Variants in PRDM16 observed in about 807,000 individuals in gnomAD.
PRDM16 encodes histone-lysine N-methyltransferase PRDM16.
PRDM16 carries 23 observed loss-of-function variants against 110.6 expected under a neutral mutation model. The ratio of observed to expected loss-of-function variants is 0.21; its 90% CI spans 0.15 to 0.29. The LOEUF (loss-of-function observed/expected upper bound fraction) is 0.29. PRDM16 is among the 10% of genes least tolerant of loss of function. The probability of loss-of-function intolerance (pLI) is 1.00; values close to 1 mark genes in which losing one functional copy is unlikely to be tolerated. For synonymous variants in PRDM16, 799 were observed against 781.8 expected, an observed-to-expected ratio of 1.02 and a Z score of -0.37; for missense variants, 1,615 against 1,794.3, an observed-to-expected ratio of 0.90 and a Z score of 1.81.
intron 3 of PRDM16, among the ~76,000 whole-genome samples, chr1:3,332,267 T>C (rs990184505): frequency 6.5e-4 from 99 of 152,280 alleles, no homozygotes; most frequent in Non-Finnish European, 2.9e-4. Flanking sequence ...GAGAAAATCA[T>C]CTATTAATTG....
chr1:3,406,527 C>A (rs1368085276), intron 8 of PRDM16, among the ~76,000 whole-genome samples: 2 of 151,152 alleles, frequency 1.3e-5, no homozygotes, highest in African/African-American at 4.9e-5. Context: ...GCCAGGAGTT[C>A]AAGACCAGCC....
In PRDM16 at chr1:3,425,381, G is replaced by C; in HGVS notation, c.2940-200G>C. 2 of 556,478 alleles carry C rather than the reference G, an allele frequency of 3.6e-6. No homozygotes were observed. The highest frequency in any genetic ancestry group is 3.0e-5 in the East Asian group (1 of 33,082). The allele number at this position is 556,478 out of a possible 1,614,324, so 34.5% of individuals were successfully genotyped here. A position where few individuals can be genotyped will look rare whatever the true frequency, so the allele number is the denominator to read the frequency against. ...GCGTGAACCCCTGCTTCTTGAAGCC[G>C]GGGCTGTTTCTAGGGACAGCTTCCC... On this transcript the variant is annotated intron_variant, in intron 12 of 16. Coordinates refer to ENST00000270722, the MANE Select transcript of PRDM16 (RefSeq NM_022114.4). The surrounding 1 kb of genome is among the most constrained non-coding windows in gnomAD (Gnocchi z 6.9).
intron 3 of PRDM16, among the ~76,000 whole-genome samples, chr1:3,271,875 C>T (rs1640463939): frequency 2.0e-5 from 3 of 152,312 alleles, no homozygotes; most frequent in Non-Finnish European, 2.9e-5. Context: ...GGGGATGTCT[C>T]CCCACTACCA....
intron 5 of PRDM16, among the ~76,000 whole-genome samples, chr1:3,402,268 G>GC (rs145611121): frequency 0.57 from 87,331 of 152,020 alleles, 26,057 homozygotes; most frequent in South Asian, 0.7. Flanking sequence ...CGGGCCCAGA[G>GC]CCCCCCACCG....
At position 3,412,555 on chromosome 1, in the gene PRDM16, G is replaced by C. The variant is rs539709297; in HGVS notation, c.2358G>C (p.Leu786=). 2 of 1,611,658 alleles carry C rather than the reference G, an allele frequency of 1.2e-6. No individual in the cohort carries two copies. Among genetic ancestry groups the C allele is most frequent in the Non-Finnish European group, 1.7e-6 (2 of 1,179,790 alleles). Residue 786 remains leucine, a synonymous_variant, in exon 9 of 17, where the codon CTG becomes CTC. Transcript: ENST00000270722. Reference sequence around the variant, plus strand: ...AGCCCAAAGACGTGAAGCCCATCCTGCCCATGCCCAAGGGCCCCTCGGCCC... The same window carrying C: ...AGCCCAAAGACGTGAAGCCCATCCTCCCCATGCCCAAGGGCCCCTCGGCCC... ...TTKPKDVKPI[L]PMPKGPSAPA... is the part of the protein sequence containing the mutation.
At chr1:3,273,503 A>G (rs1195267046) in intron 3 of PRDM16, among the ~76,000 whole-genome samples, 5 of 151,672 alleles carry the variant, frequency 3.3e-5, no homozygotes, top group Admixed American at 2.0e-4. Flanking sequence ...AGCTGCATCT[A>G]TAAGGGTACA....
intron 3 of PRDM16, among the ~76,000 whole-genome samples, chr1:3,272,500 T>G (rs565473797): frequency 6.6e-6 from 1 of 152,182 alleles, no homozygotes; most frequent in Admixed American, 6.5e-5. Flanking sequence ...TTCCGGGACC[T>G]CGGGGAGGCT....
At chr1:3,422,432 A>C (rs1247134713) in intron 12 of PRDM16, among the ~76,000 whole-genome samples, 1 of 152,240 alleles carries the variant, frequency 6.6e-6, no homozygotes, top group Admixed American at 6.5e-5. Flanking sequence ...CCAGAGGGGC[A>C]CATGGCCCCA....
At chr1:3,405,374 T>A in intron 7 of PRDM16, 121 bp from the exon 8 acceptor site, 2 of 1,176,754 alleles carry the variant, frequency 1.7e-6, no homozygotes, top group Non-Finnish European at 2.3e-6. Context: ...TGGTGCAGAC[T>A]GCAACGTGGC....
chr1:3,200,058 G>A (rs1638580240), intron 2 of PRDM16, among the ~76,000 whole-genome samples: 1 of 152,272 alleles, frequency 6.6e-6, no homozygotes, highest in Admixed American at 6.5e-5. Context: ...ATATCAGACT[G>A]GAGGTAAACA....
chr1:3,101,304 C>T (rs1018326405), intron 1 of PRDM16, among the ~76,000 whole-genome samples: 4 of 152,316 alleles, frequency 2.6e-5, no homozygotes, highest in East Asian at 1.9e-4. Flanking sequence ...AGATGAGGGC[C>T]GCGAGGCAGT....
At chr1:3,087,509 C>A (rs1308340373) in intron 1 of PRDM16, among the ~76,000 whole-genome samples, 3 of 152,198 alleles carry the variant, frequency 2.0e-5, no homozygotes, top group Non-Finnish European at 2.9e-5. Flanking sequence ...GGCTACTCAG[C>A]CCCAAAAGAG....
At chr1:3,428,919 C>T (rs778428784) in intron 14 of PRDM16, among the ~76,000 whole-genome samples, 4 of 152,248 alleles carry the variant, frequency 2.6e-5, no homozygotes, top group South Asian at 2.1e-4. Flanking sequence ...GAGAAAATCA[C>T]GCAGGGGAGA....
At chr1:3,349,339 GA>G (rs913058929) in intron 3 of PRDM16, among the ~76,000 whole-genome samples, 22 of 152,322 alleles carry the variant, frequency 1.4e-4, no homozygotes, top group African/African-American at 5.3e-4. Context: ...AGGGGCTTTG[GA>G]AAGGTGCTGA....
At chr1:3,395,435 G>T (rs1643371034) in intron 4 of PRDM16, among the ~76,000 whole-genome samples, 1 of 152,150 alleles carries the variant, frequency 6.6e-6, no homozygotes, top group East Asian at 1.9e-4. Context: ...GCAGGGGCAG[G>T]TGGATTTCCC....
chr1:3,343,486 T>G (rs1470531464), intron 3 of PRDM16, among the ~76,000 whole-genome samples: 1 of 149,646 alleles, frequency 6.7e-6, no homozygotes, highest in Non-Finnish European at 1.5e-5. Flanking sequence ...TTCCTTTGGG[T>G]TTAGTGCTTT....
rs1638924924 is a variant in PRDM16, at chr1:3,436,912, C to T, written c.*3101C>T. The T allele has an allele frequency of 4.3e-6, 1 of 230,844 alleles. No homozygotes were observed. 14.3% of individuals were successfully genotyped at this position (230,844 alleles called of 1,614,324 possible). A position where few individuals can be genotyped will look rare whatever the true frequency, so the allele number is the denominator to read the frequency against. ...TCCTTGGATTGTCAACCCCCATCCC[C>T]CAAATGGAAATTCCGAAGGAGGCCT... is the stretch of plus-strand genomic sequence containing the variant. On this transcript the variant is annotated 3_prime_UTR_variant, in exon 17 of 17. Coordinates refer to ENST00000270722, the MANE Select transcript of PRDM16 (RefSeq NM_022114.4).
At chr1:3,427,415 C>T (rs1340671059) in intron 14 of PRDM16, among the ~76,000 whole-genome samples, 1 of 152,146 alleles carries the variant, frequency 6.6e-6, no homozygotes, top group Non-Finnish European at 1.5e-5. Context: ...AAGCTTTTAC[C>T]GCACTGGCCA....
chr1:3,404,354 C>T (rs928104437), intron 6 of PRDM16, among the ~76,000 whole-genome samples: 1 of 152,352 alleles, frequency 6.6e-6, no homozygotes, highest in South Asian at 2.1e-4. Flanking sequence ...GGGACTTGCC[C>T]CACTCCTGGG....
Sources: allele counts gnomAD v4.1 joint callset (sites outside exome capture counted in the v4.1 genomes callset), GRCh38; gene constraint gnomAD v4.1.1; non-coding constraint Gnocchi (gnomAD v3.1); transcripts MANE v1.5; gene names NCBI Gene and HGNC (gene_info 2026-07-23, HGNC 2026-07-21).